The following CRACDL variants were observed in gnomAD, a reference collection of about 807,000 sequenced individuals.
CRACDL encodes the protein CRACD-like protein.
In CRACDL, 26 loss-of-function variants were observed where a neutral mutation model predicts 70.6. The ratio of observed to expected loss-of-function variants is 0.37; its 90% CI spans 0.27 to 0.51. The LOEUF (loss-of-function observed/expected upper bound fraction) is 0.51, where lower values mean the gene tolerates loss of function less well. CRACDL is among the 20% of genes least tolerant of loss of function. The pLI is 0.94. For missense variants in CRACDL, 1,283 were observed against 1,376.9 expected (o/e 0.93, Z 1.08); for synonymous variants, 618 against 615.2 (o/e 1.00, Z -0.07).
chr2:98,925,065 T>C (rs1708881421), intron 1 of CRACDL, among the ~76,000 whole-genome samples: 2 of 152,190 alleles, frequency 1.3e-5, no homozygotes, highest in Non-Finnish European at 2.9e-5. Flanking sequence ...GCCTGTCCCT[T>C]TCCTTCCCCT....
chr2:98,842,307 A>G (rs532065701), intron 2 of CRACDL, among the ~76,000 whole-genome samples: 1 of 151,808 alleles, frequency 6.6e-6, no homozygotes, highest in African/African-American at 2.4e-5. Context: ...AATTACATTT[A>G]TTTTACATAA....
chr2:98,866,475 C>CTTTTTTTTTTT lies in CRACDL; in HGVS notation c.-10-19676_-10-19666dup, dbSNP rs1173322192. On this transcript the variant is annotated intron_variant, in intron 1 of 9. Transcript: ENST00000397899. ...CTGATAGATGAAACAATCACTTCTT[C>CTTTTTTTTTTT]TTTTTTTTTTTTTTTTTTTTTTTTT... is the stretch of plus-strand genomic sequence containing the variant. 1.1e-3 allele frequency among the ~76,000 whole-genome samples: 46 copies of CTTTTTTTTTTT among 43,256 alleles called. 2 individuals are homozygous for CTTTTTTTTTTT. The highest frequency in any genetic ancestry group is 2.9e-3 in the African/African-American group (29 of 9,990). The allele number at this position is 43,256 out of a possible 152,430, so 28.4% of individuals were successfully genotyped here. A position where few individuals can be genotyped will look rare whatever the true frequency, so the allele number is the denominator to read the frequency against.
At chr2:98,889,457 AC>A in intron 1 of CRACDL, among the ~76,000 whole-genome samples, 2 of 152,306 alleles carry the variant, frequency 1.3e-5, no homozygotes. Flanking sequence ...TGACAAAAGT[AC>A]CAATGAATCA....
At chr2:98,806,973 C>T (rs1170968452) in intron 7 of CRACDL, among the ~76,000 whole-genome samples, 1 of 152,156 alleles carries the variant, frequency 6.6e-6, no homozygotes, top group Non-Finnish European at 1.5e-5. Flanking sequence ...CTTCACTCAG[C>T]ACTAGTCAGG....
intron 1 of CRACDL, among the ~76,000 whole-genome samples, chr2:98,919,114 A>T (rs888689057): frequency 2.0e-5 from 3 of 152,110 alleles, no homozygotes; most frequent in African/African-American, 7.2e-5. Flanking sequence ...GTATATGGTG[A>T]TAGATAGGGG....
At chr2:98,905,265 A>AAAAAG (rs1553401966) in intron 1 of CRACDL, among the ~76,000 whole-genome samples, 1 of 143,294 alleles carries the variant, frequency 7.0e-6, no homozygotes, top group African/African-American at 2.6e-5. Context: ...AAAAAAAAAA[A>AAAAAG]AGAGAGGCTG....
chr2:98,843,956 A>T lies in CRACDL; in HGVS notation c.70+2775T>A, dbSNP rs541427928. 1.6e-4 allele frequency among the ~76,000 whole-genome samples: 25 copies of T among 152,158 alleles called. No individual in the cohort carries two copies. In the South Asian group the frequency reaches 5.2e-3, roughly 32 times the overall value. ...TCCTCCTCCCTGTTTCTGATGGGTT[A>T]TTTCAAAAAAAATCATCCCAGGCAC... is the stretch of plus-strand genomic sequence containing the variant. On this transcript the variant is annotated intron_variant, in intron 2 of 9. Transcript: ENST00000397899.
chr2:98,889,344 G>GAAAGAAAGA lies in CRACDL; in HGVS notation c.-10-42535_-10-42534insTCTTTCTTT, dbSNP rs1558624695. 5.4e-5 allele frequency among the ~76,000 whole-genome samples: 7 copies of GAAAGAAAGA among 129,122 alleles called. 1 individual carries two copies. Among genetic ancestry groups the GAAAGAAAGA allele is most frequent in the South Asian group, 2.9e-4 (1 of 3,406 alleles). The allele number at this position is 129,122 out of a possible 152,430, so 84.7% of individuals were successfully genotyped here. ...GAAAGAAAGAAAGAAAGAAAGAAAG[G>GAAAGAAAGA]AAACAGTAACCAAAACAGAGCTGGA... On this transcript the variant is annotated intron_variant, in intron 1 of 9. Coordinates refer to ENST00000397899, the MANE Select transcript of CRACDL (RefSeq NM_207362.3).
chr2:98,909,799 C>A (rs1708501026), intron 1 of CRACDL, among the ~76,000 whole-genome samples: 1 of 152,174 alleles, frequency 6.6e-6, no homozygotes, highest in South Asian at 2.1e-4. Context: ...TCCTCTGCCA[C>A]CTGTAAACTC....
chr2:98,796,048 C>A, intron 9 of CRACDL, 72 bp downstream of exon 9: 1 of 1,522,026 alleles, frequency 6.6e-7, no homozygotes, highest in South Asian at 1.1e-5. Flanking sequence ...CAAACCAAAC[C>A]AAAACTCAAA....
At chr2:98,833,921 G>A (rs568845739) in intron 3 of CRACDL, among the ~76,000 whole-genome samples, 1 of 152,174 alleles carries the variant, frequency 6.6e-6, no homozygotes, top group South Asian at 2.1e-4. Flanking sequence ...GTGTGGCCCT[G>A]TCCAACTGTA....
rs1262248786 is a variant in CRACDL at position 98,823,705 on chromosome 2, T to G, written c.736-168A>C. Among the ~76,000 whole-genome samples the G allele has an allele frequency of 6.6e-6, 1 of 152,236 alleles. No individual in the cohort carries two copies. Among genetic ancestry groups the G allele is most frequent in the Non-Finnish European group, 1.5e-5 (1 of 68,040 alleles). On this transcript the variant is annotated intron_variant, in intron 6 of 9. Transcript: ENST00000397899. The surrounding 1 kb of genome is among the most constrained non-coding windows in gnomAD (Gnocchi z 4.0). ...TGTCTTTTCTCAGTCTGTATCCTAC[T>G]GGTCTACTTGGGCTCACAAGTTTAT...
Position 98,822,519 on chromosome 2 carries a change from G to A in CRACDL, c.1754C>T (p.Pro585Leu), listed in dbSNP as rs1436601784. 3.2e-5 allele frequency: 46 copies of A among 1,458,490 alleles called. No individual in the cohort carries two copies. Among genetic ancestry groups the A allele is most frequent in the South Asian group, 1.3e-5 (1 of 76,104 alleles). 90.3% of individuals were successfully genotyped at this position (1,458,490 alleles called of 1,614,324 possible). The change falls in exon 7 of 10, where the codon CCG becomes CTG. Residue 585 changes from proline to leucine, a missense_variant. Physicochemically the swap from Pro to Leu is moderately conservative, Grantham distance 98. Coordinates refer to ENST00000397899, the MANE Select transcript of CRACDL (RefSeq NM_207362.3). The surrounding 1 kb of genome is among the most constrained non-coding windows in gnomAD (Gnocchi z 4.9). Reference sequence around the variant, plus strand: ...CCGTTCCAGCGGGCGGGAGACGCCCGGACGAGGCCGCGCTCGGCACGAGGA... The same window carrying A: ...CCGTTCCAGCGGGCGGGAGACGCCCAGACGAGGCCGCGCTCGGCACGAGGA... ...SVSSCRARPR[P>L]GVSRPLERAS...
intron 3 of CRACDL, among the ~76,000 whole-genome samples, chr2:98,835,314 C>T (rs988055379): frequency 7.2e-5 from 11 of 152,212 alleles, no homozygotes; most frequent in African/African-American, 2.4e-4. Context: ...GGCAGCTGGA[C>T]TGAGGTCTTT....
Position 98,832,869 on chromosome 2 carries a change from G to T in CRACDL, c.368C>A (p.Ala123Asp). 6.2e-7 allele frequency: 1 copy of T among 1,614,148 alleles called. No homozygotes were observed. The change falls in exon 4 of 10, where the codon GCT becomes GAT. Residue 123 changes from alanine to aspartate, a missense_variant. By Grantham distance (126) the Ala-to-Asp change is moderately radical. Coordinates refer to ENST00000397899, the MANE Select transcript of CRACDL (RefSeq NM_207362.3). ...GACCAAGGAAACATTTACCTGCAGAGCTTTAATCCGATCACACACATTTTC... is the reference window on the plus strand; with the variant it reads ...GACCAAGGAAACATTTACCTGCAGATCTTTAATCCGATCACACACATTTTC... ...SQENVCDRIK[A>D]LQLKIQCNVK...
In CRACDL at chr2:98,832,607, C is replaced by T. The variant is rs1705591455; in HGVS notation, c.376-95G>A. ...AATTCATTCATGCTGGAAATGCCTTCAGTATCTTGGTGTGGTGCAGAGAAC... is the reference window on the plus strand; with the variant it reads ...AATTCATTCATGCTGGAAATGCCTTTAGTATCTTGGTGTGGTGCAGAGAAC... On this transcript the variant is annotated intron_variant, in intron 4 of 9. Coordinates refer to ENST00000397899, the MANE Select transcript of CRACDL (RefSeq NM_207362.3). The T allele has an allele frequency of 9.7e-6, 12 of 1,240,206 alleles. No individual in the cohort carries two copies. In the East Asian group the frequency reaches 2.8e-4, roughly 29 times the overall value. The allele number at this position is 1,240,206 out of a possible 1,614,324, so 76.8% of individuals were successfully genotyped here. A position where few individuals can be genotyped will look rare whatever the true frequency, so the allele number is the denominator to read the frequency against.
chr2:98,866,468 ACTTCTTCTTT>A (rs1707146582), intron 1 of CRACDL, among the ~76,000 whole-genome samples: 1 of 99,686 alleles, frequency 1.0e-5, no homozygotes, highest in African/African-American at 4.7e-5. Flanking sequence ...TGAAACAATC[ACTTCTTCTTT>A]TTTTTTTTTT....
intron 7 of CRACDL, among the ~76,000 whole-genome samples, chr2:98,807,827 G>A (rs566954767): frequency 3.3e-5 from 5 of 152,320 alleles, no homozygotes; most frequent in Non-Finnish European, 4.4e-5. Context: ...CTGATAGAGG[G>A]GGGCAGGCAT....
chr2:98,808,968 C>T (rs1704437925), intron 7 of CRACDL, among the ~76,000 whole-genome samples: 3 of 152,196 alleles, frequency 2.0e-5, no homozygotes, highest in African/African-American at 7.2e-5. Context: ...GTTCTAGAGA[C>T]ATAAAAGCAC....
Sources: gnomAD v4.1 joint callset for allele counts (sites outside exome capture counted in the v4.1 genomes callset) on GRCh38, gnomAD v4.1.1 for gene constraint, Gnocchi (gnomAD v3.1) non-coding constraint, MANE v1.5 for transcripts, NCBI Gene and HGNC (gene_info 2026-07-23, HGNC 2026-07-21) for gene names.